GABPB2: variants seen among roughly 807,000 people sequenced by gnomAD.
GABPB2 encodes the protein GA binding protein transcription factor subunit beta 2, also known as GA-binding protein subunit beta-2.
Under a neutral mutation model 39.1 loss-of-function variants are expected in GABPB2, and 23 were observed. The observed-to-expected ratio is 0.59, with a 90% CI of 0.42 to 0.83. The LOEUF (loss-of-function observed/expected upper bound fraction) is 0.83, where lower values mean the gene tolerates loss of function less well. Among genes scored for constraint, GABPB2 ranks in the 40% least tolerant of loss-of-function variants. GABPB2 has a pLI of 0.00. For missense variants in GABPB2, 467 were observed against 541.1 expected (o/e 0.86, Z 1.36); for synonymous variants, 184 against 199.3 (o/e 0.92, Z 0.65).
chr1:151,075,080 T>G (rs1209171097), intron 1 of GABPB2, among the ~76,000 whole-genome samples: 9 of 151,742 alleles, frequency 5.9e-5, no homozygotes, highest in Non-Finnish European at 1.3e-4. Context: ...AGGCAGAGGT[T>G]GTGGCGAGCC....
At chr1:151,102,512 G>A (rs1186618339) in intron 5 of GABPB2, among the ~76,000 whole-genome samples, 2 of 151,740 alleles carry the variant, frequency 1.3e-5, no homozygotes, top group Non-Finnish European at 2.9e-5. Context: ...GTGCGATCTC[G>A]GCTTACTGCA....
intron 1 of GABPB2, among the ~76,000 whole-genome samples, chr1:151,072,169 GTAAT>G (rs1676784666): frequency 6.6e-6 from 1 of 152,176 alleles, no homozygotes. Flanking sequence ...ATAAACAAAA[GTAAT>G]TACTCTAATT....
intron 1 of GABPB2, among the ~76,000 whole-genome samples, chr1:151,076,974 T>C (rs1335614059): frequency 6.6e-6 from 1 of 151,684 alleles, no homozygotes; most frequent in Non-Finnish European, 1.5e-5. Flanking sequence ...TTTGTATTTT[T>C]AGTAGAGACG....
At chr1:151,092,784 C>A (rs1181941069) in intron 3 of GABPB2, among the ~76,000 whole-genome samples, 1 of 151,966 alleles carries the variant, frequency 6.6e-6, no homozygotes, top group East Asian at 1.9e-4. Flanking sequence ...ACCATGTTCC[C>A]CAGGTTCATC....
intron 2 of GABPB2, 81 bp downstream of exon 2, chr1:151,088,378 G>T: frequency 1.5e-6 from 2 of 1,334,012 alleles, no homozygotes; most frequent in Non-Finnish European, 2.1e-6. Context: ...ACAGACTATT[G>T]GTTTTTCTTC....
intron 5 of GABPB2, among the ~76,000 whole-genome samples, chr1:151,098,500 C>CT (rs1242894428): frequency 2.2e-5 from 3 of 135,038 alleles, no homozygotes; most frequent in East Asian, 2.1e-4. Flanking sequence ...GACCCTGTCT[C>CT]TAAAAAAAAA....
chr1:151,107,126 G>A lies in GABPB2; in HGVS notation c.826G>A (p.Val276Met). 1.2e-6 allele frequency: 2 copies of A among 1,612,626 alleles called. No homozygotes were observed. Among genetic ancestry groups the A allele is most frequent in the East Asian group, 2.2e-5 (1 of 44,840 alleles). ...TGGAGGCCAGAGGGTCATCACCATA[G>A]TGACTGATGGAGTCCCTCTGGGTAA... is the stretch of plus-strand genomic sequence containing the variant. ...GSGGQRVITI[V>M]TDGVPLGNIQ... The change falls in exon 7 of 9, where the codon GTG (valine) becomes ATG (methionine). Residue 276 changes from valine to methionine, a missense_variant. By Grantham distance (21) the Val-to-Met change is conservative (BLOSUM62 1). Coordinates refer to ENST00000368918, the MANE Select transcript of GABPB2 (RefSeq NM_144618.3).
chr1:151,081,270 C>T (rs905688941), intron 1 of GABPB2, among the ~76,000 whole-genome samples: 2 of 151,264 alleles, frequency 1.3e-5, no homozygotes, highest in Non-Finnish European at 2.9e-5. Context: ...CAGCGGATCA[C>T]TTGAGTTCAG....
intron 1 of GABPB2, among the ~76,000 whole-genome samples, chr1:151,080,966 G>A (rs188594610): frequency 1.3e-5 from 2 of 150,268 alleles, no homozygotes; most frequent in African/African-American, 4.9e-5. Flanking sequence ...TCTGCCTCCC[G>A]GGTTCACGCC....
intron 4 of GABPB2, among the ~76,000 whole-genome samples, chr1:151,097,474 G>A (rs1483179389): frequency 1.3e-5 from 2 of 151,896 alleles, no homozygotes; most frequent in Non-Finnish European, 2.9e-5. Context: ...CAGTAACTGT[G>A]TAACTAAAGC....
At position 151,090,484 on chromosome 1, in the gene GABPB2, A is replaced by G; in HGVS notation, c.187A>G (p.Ser63Gly). ...TAEVLLRAGVSRDARTKVDRT... is the reference protein window; with the variant it reads ...TAEVLLRAGVGRDARTKVDRT... ...AGAAGTACTCCTTCGAGCAGGTGTT[A>G]GCAGGGATGCCCGGACTAAAGTAGA... The change falls in exon 3 of 9, where the codon AGC becomes GGC. Residue 63 changes from serine to glycine, a missense_variant. Ser to Gly is a moderately conservative substitution (Grantham distance 56, BLOSUM62 0). Coordinates refer to ENST00000368918, the MANE Select transcript of GABPB2 (RefSeq NM_144618.3). 3.1e-6 allele frequency: 5 copies of G among 1,614,128 alleles called. No individual in the cohort carries two copies. The highest frequency in any genetic ancestry group is 4.2e-6 in the Non-Finnish European group (5 of 1,180,000).
At chr1:151,088,412 T>C in intron 2 of GABPB2, 115 bp downstream of exon 2, 2 of 1,263,616 alleles carry the variant, frequency 1.6e-6, no homozygotes, top group Non-Finnish European at 2.2e-6. Context: ...CTCATATCCC[T>C]TACAAGAGTT....
chr1:151,088,551 T>C (rs1678400934), intron 2 of GABPB2: 1 of 849,480 alleles, frequency 1.2e-6, no homozygotes, highest in African/African-American at 1.8e-5. Flanking sequence ...ATAATGTTTT[T>C]TAGAGTATTT....
intron 3 of GABPB2, among the ~76,000 whole-genome samples, chr1:151,091,445 G>A (rs751792094): frequency 4.6e-5 from 6 of 130,642 alleles, no homozygotes; most frequent in African/African-American, 1.4e-4. Context: ...AGCTGGGTGC[G>A]GTGGCTCACT....
intron 1 of GABPB2, among the ~76,000 whole-genome samples, chr1:151,086,872 C>T (rs1333753434): frequency 4.6e-5 from 7 of 151,360 alleles, no homozygotes; most frequent in Admixed American, 4.6e-4. Context: ...TTTATTTTTT[C>T]GAGATAGTGT....
chr1:151,087,948 A>G lies in GABPB2; in HGVS notation c.1-242A>G, dbSNP rs779916174. Among the ~76,000 whole-genome samples, 158 of 152,150 alleles carry G rather than the reference A, an allele frequency of 1.0e-3. 1 individual carries two copies. The highest frequency in any genetic ancestry group is 1.5e-3 in the Non-Finnish European group (99 of 68,024). On this transcript the variant is annotated intron_variant, in intron 1 of 8. Coordinates refer to ENST00000368918, the MANE Select transcript of GABPB2 (RefSeq NM_144618.3). ...CTAGAAAGGTCGTAGTGTGTTGCAG[A>G]TATTTCCAGAGTATTTTTCTGGGGA...
chr1:151,083,634 T>TATA (rs1677906642), intron 1 of GABPB2, among the ~76,000 whole-genome samples: 1 of 150,148 alleles, frequency 6.7e-6, no homozygotes, highest in African/African-American at 2.5e-5. Flanking sequence ...ACTCCGTCTC[T>TATA]ATAGAGAGAA....
At chr1:151,107,689 A>T (rs1037549939) in intron 7 of GABPB2, among the ~76,000 whole-genome samples, 2 of 152,148 alleles carry the variant, frequency 1.3e-5, no homozygotes, top group African/African-American at 4.8e-5. Context: ...TAATCCCAGC[A>T]CTTTGGGAGG....
intron 7 of GABPB2, 53 bp downstream of exon 7, chr1:151,107,275 A>G (rs1571970534): frequency 8.3e-7 from 1 of 1,207,972 alleles, no homozygotes; most frequent in Admixed American, 3.1e-5. Context: ...TAGATACTCC[A>G]TACTCACCTA....
Sources: gnomAD v4.1 joint callset for allele counts (sites outside exome capture counted in the v4.1 genomes callset) on GRCh38, gnomAD v4.1.1 for gene constraint, MANE v1.5 for transcripts, NCBI Gene and HGNC (gene_info 2026-07-23, HGNC 2026-07-21) for gene names.